Variants in COL10A1 observed in about 807,000 individuals in gnomAD.
COL10A1 encodes collagen type X alpha 1 chain.
A neutral mutation model predicts 18.2 loss-of-function variants in COL10A1; 10 were observed. The ratio of observed to expected loss-of-function variants is 0.55; its 90% CI spans 0.34 to 0.93. COL10A1 has a LOEUF of 0.93. Ranked by LOEUF, COL10A1 falls within the 40% of genes least tolerant of loss-of-function variation. The pLI is 0.02. For synonymous variants in COL10A1, 330 were observed against 316.6 expected (o/e 1.04, Z -0.45); for missense variants, 897 against 853.5 (o/e 1.05, Z -0.64).
upstream of COL10A1, among the ~76,000 whole-genome samples, chr6:116,126,937 G>C (rs944010267): frequency 3.3e-5 from 5 of 152,062 alleles, no homozygotes; most frequent in Non-Finnish European, 7.4e-5. Context: ...AAACACTATT[G>C]TTGTCAATTT....
In COL10A1 at chr6:116,121,576, T is replaced by G; in HGVS notation, c.540A>C (p.Gly180=). The G allele has an allele frequency of 6.2e-7, 1 of 1,614,056 alleles. No homozygotes were observed. The highest frequency in any genetic ancestry group is 1.7e-5 in the Admixed American group (1 of 60,024). ...RGFPGEKGAP[G]VPGMNGQKGE... ...CTTTCTGTCCATTCATACCAGGGAC[T>G]CCTGGTGCACCCTTTTCTCCAGGAA... Residue 180 remains glycine, a synonymous_variant, in exon 3 of 3, where the codon GGA becomes GGC. Coordinates refer to ENST00000651968, the MANE Select transcript of COL10A1 (RefSeq NM_000493.4).
chr6:116,193,775 A>G, the COL10A1 span, among the ~76,000 whole-genome samples: 5 of 151,938 alleles, frequency 3.3e-5, no homozygotes, highest in African/African-American at 1.2e-4. Context: ...TTAAAAATAA[A>G]AAAAGAGGAG....
intron 1 of COL10A1, among the ~76,000 whole-genome samples, chr6:116,156,405 G>GA (rs932142169): frequency 5.3e-5 from 8 of 152,038 alleles, no homozygotes; most frequent in Non-Finnish European, 1.2e-4. Flanking sequence ...CTTTGAGGTT[G>GA]AAAAAAATGT....
At chr6:116,151,204 A>C (rs1413741607) in intron 1 of COL10A1, among the ~76,000 whole-genome samples, 1 of 152,088 alleles carries the variant, frequency 6.6e-6, no homozygotes, top group Non-Finnish European at 1.5e-5. Context: ...CTGCACCATC[A>C]CTTATAAAAT....
the COL10A1 span, among the ~76,000 whole-genome samples, chr6:116,213,301 C>T: frequency 2.6e-5 from 4 of 152,082 alleles, no homozygotes; most frequent in Non-Finnish European, 4.4e-5. Context: ...TTTAGCTCAA[C>T]ACTCAGCTGG....
At chr6:116,213,026 T>C in the COL10A1 span, among the ~76,000 whole-genome samples, 1 of 152,180 alleles carries the variant, frequency 6.6e-6, no homozygotes. Context: ...GATTTGTGAA[T>C]ATTTTATCTT....
chr6:116,129,177 TATC>T (rs1007655307), upstream of COL10A1, among the ~76,000 whole-genome samples: 10 of 152,226 alleles, frequency 6.6e-5, no homozygotes, highest in African/African-American at 2.4e-4. Context: ...CATTTCTTAA[TATC>T]ATCAAATCCT....
upstream of COL10A1, among the ~76,000 whole-genome samples, chr6:116,159,880 T>TA (rs1194360615): frequency 6.6e-4 from 101 of 152,312 alleles, no homozygotes; most frequent in Non-Finnish European, 2.2e-4. Context: ...TTTTTTTGTT[T>TA]CTGAGTTGTT....
intron 1 of COL10A1, among the ~76,000 whole-genome samples, chr6:116,151,258 A>C (rs949590161): frequency 1.3e-5 from 2 of 152,220 alleles, no homozygotes; most frequent in Non-Finnish European, 2.9e-5. Context: ...TGAGATCAGA[A>C]TATGTGGGCC....
At chr6:116,188,638 G>A in the COL10A1 span, among the ~76,000 whole-genome samples, 11 of 151,420 alleles carry the variant, frequency 7.3e-5, no homozygotes, top group East Asian at 2.1e-3. Context: ...ATGTACCATA[G>A]ATATGAGGAT....
At chr6:116,154,793 A>C (rs759791765) in intron 1 of COL10A1, among the ~76,000 whole-genome samples, 11 of 152,250 alleles carry the variant, frequency 7.2e-5, no homozygotes, top group Non-Finnish European at 1.3e-4. Flanking sequence ...TTTACGCCTC[A>C]GGATTAATAA....
At position 116,120,483 on chromosome 6, in the gene COL10A1, C is replaced by G. The variant is rs2228547; in HGVS notation, c.1633G>C (p.Gly545Arg). The change falls in exon 3 of 3, where the codon GGG (glycine) becomes CGG (arginine). Residue 545 changes from glycine (G) to arginine (R), a missense_variant. Coordinates refer to ENST00000651968, the MANE Select transcript of COL10A1 (RefSeq NM_000493.4). Reference protein sequence around the residue: ...SGTPLVSANQGVTGMPVSAFT... With the variant: ...SGTPLVSANQRVTGMPVSAFT... ...GCAGACACAGGCATTCCTGTTACCC[C>G]CTGGTTGGCACTAACAAGAGGGGTC... 0.13 allele frequency: 214,768 copies of G among 1,614,074 alleles called. 16,466 individuals carry two copies. Among genetic ancestry groups the G allele is most frequent in the African/African-American group, 0.26 (19,815 of 74,986 alleles).
In COL10A1 at chr6:116,120,215, T is replaced by C; in HGVS notation, c.1901A>G (p.Asp634Gly). The change falls in exon 3 of 3, where the codon GAT becomes GGT. Residue 634 changes from aspartate (D) to glycine (G), a missense_variant. Asp to Gly is a moderately conservative substitution (Grantham distance 94). Transcript: ENST00000651968. ...GATGATGGCACTCCCTGAAGCCTGA[T>C]CCAGGTAGCCTTTGGTGTATTCATC... The part of the protein sequence containing the change: ...TYDEYTKGYL[D>G]QASGSAIIDL... 6.2e-7 allele frequency: 1 copy of C among 1,614,168 alleles called. No homozygotes were observed. The highest frequency in any genetic ancestry group is 8.5e-7 in the Non-Finnish European group (1 of 1,180,024).
rs759019737 is a variant in COL10A1, at chr6:116,121,674, C to T, written c.442G>A (p.Gly148Arg). 8 of 1,613,992 alleles carry T rather than the reference C, an allele frequency of 5.0e-6. No homozygotes were observed. In the African/African-American group the frequency reaches 9.3e-5, roughly 19 times the overall value. ...CCTGGCACAGAAATTCCAGCCGGTC[C>T]AGGGATTCCAGGTGGTCCTGGTGGG... ...RGPPGPPGIP[G>R]PAGISVPGKP... is the part of the protein sequence containing the mutation. Residue 148 changes from glycine to arginine, a missense_variant, in exon 3 of 3, where the codon GGA (glycine) becomes AGA (arginine). Transcript: ENST00000651968.
At chr6:116,172,635 A>G in the COL10A1 span, among the ~76,000 whole-genome samples, 1 of 152,104 alleles carries the variant, frequency 6.6e-6, no homozygotes, top group Non-Finnish European at 1.5e-5. Context: ...TTAGTAACAT[A>G]TATACTTTGT....
the COL10A1 span, among the ~76,000 whole-genome samples, chr6:116,189,972 T>C: frequency 6.6e-6 from 1 of 152,038 alleles, no homozygotes; most frequent in Admixed American, 6.6e-5. Flanking sequence ...TTACTAGTTT[T>C]CAGGTAGTGG....
At chr6:116,201,629 C>T in the COL10A1 span, among the ~76,000 whole-genome samples, 1 of 151,936 alleles carries the variant, frequency 6.6e-6, no homozygotes, top group African/African-American at 2.4e-5. Flanking sequence ...CATGTGCTTA[C>T]TATTATTTAG....
chr6:116,205,877 A>T, the COL10A1 span, among the ~76,000 whole-genome samples: 3 of 151,940 alleles, frequency 2.0e-5, no homozygotes, highest in African/African-American at 7.2e-5. Flanking sequence ...TTATGTCATG[A>T]TGATAGGCAA....
chr6:116,193,532 T>G, the COL10A1 span, among the ~76,000 whole-genome samples: 107 of 152,088 alleles, frequency 7.0e-4, no homozygotes, highest in Non-Finnish European at 1.0e-3. Flanking sequence ...TCCTAATTTA[T>G]GGATTGAGAG....
Sources: gnomAD v4.1 joint callset for allele counts (sites outside exome capture counted in the v4.1 genomes callset) on GRCh38, gnomAD v4.1.1 for gene constraint, MANE v1.5 for transcripts, NCBI Gene and HGNC (gene_info 2026-07-23, HGNC 2026-07-21) for gene names.